Variants in MS4A6E observed in about 807,000 individuals in gnomAD.
The protein encoded by MS4A6E is membrane-spanning 4-domains subfamily A member 6E.
Under a neutral mutation model 13.2 loss-of-function variants are expected in MS4A6E, and 8 were observed. The ratio of observed to expected loss-of-function variants is 0.60; its 90% CI spans 0.35 to 1.09. MS4A6E has a LOEUF of 1.09. Ranked by LOEUF, MS4A6E falls within the 50% of genes least tolerant of loss-of-function variation. MS4A6E has a pLI of 0.02. For synonymous variants in MS4A6E, 72 were observed against 67.6 expected, an observed-to-expected ratio of 1.06 and a Z score of -0.32; for missense variants, 177 against 171.1, an observed-to-expected ratio of 1.03 and a Z score of -0.19.
downstream of MS4A6E, among the ~76,000 whole-genome samples, chr11:60,343,967 C>T (rs1019291225): frequency 8.5e-5 from 13 of 152,248 alleles, no homozygotes; most frequent in African/African-American, 3.1e-4. Flanking sequence ...GAAGGGAGAG[C>T]TTTCACCAAT....
Position 60,341,124 on chromosome 11 carries a change from G to A in MS4A6E, c.*358G>A, listed in dbSNP as rs1015942921. Among the ~76,000 whole-genome samples, 1 of 152,066 alleles carries A rather than the reference G, an allele frequency of 6.6e-6. No homozygotes were observed. Among genetic ancestry groups the A allele is most frequent in the Non-Finnish European group, 1.5e-5 (1 of 68,012 alleles). On this transcript the variant is annotated 3_prime_UTR_variant, in exon 5 of 5. Coordinates refer to ENST00000684409, the MANE Select transcript of MS4A6E (RefSeq NM_139249.4). ...AACTAGGCAGAATGATGATTCAATGGATCACAGTGAGGCAAAGGATACAGC... is the reference window on the plus strand; with the variant it reads ...AACTAGGCAGAATGATGATTCAATGAATCACAGTGAGGCAAAGGATACAGC...
chr11:60,334,917 A>G lies in MS4A6E; in HGVS notation c.22A>G (p.Asn8Asp). ...CATTATGACATCACAACCTATTTCC[A>G]ATGAGACCATCATAATGCTCCCATC... MTSQPIS[N>D]ETIIMLPSNV... The change falls in exon 2 of 5, where the codon AAT becomes GAT. Residue 8 changes from asparagine to aspartate, a missense_variant. Coordinates refer to ENST00000684409, the MANE Select transcript of MS4A6E (RefSeq NM_139249.4). 6.2e-7 allele frequency: 1 copy of G among 1,614,048 alleles called. No homozygotes were observed. Among genetic ancestry groups the G allele is most frequent in the Non-Finnish European group, 8.5e-7 (1 of 1,179,942 alleles).
chr11:60,328,029 C>CAAAAAAA (rs3042505), intron 1 of MS4A6E, among the ~76,000 whole-genome samples: 2 of 82,050 alleles, frequency 2.4e-5, no homozygotes, highest in Non-Finnish European at 4.5e-5. Context: ...GACTCCATCT[C>CAAAAAAA]AAAAAAAAAA....
intron 4 of MS4A6E, among the ~76,000 whole-genome samples, chr11:60,340,391 G>A (rs928931251): frequency 7.2e-5 from 11 of 152,194 alleles, no homozygotes; most frequent in African/African-American, 2.4e-4. Context: ...CTTTACACAT[G>A]TGACTGGATC....
At chr11:60,332,397 G>A (rs188761023) in intron 1 of MS4A6E, among the ~76,000 whole-genome samples, 55 of 152,298 alleles carry the variant, frequency 3.6e-4, no homozygotes, top group East Asian at 2.3e-3. Context: ...CATTATTCAT[G>A]AGGAAGTTAG....
At chr11:60,332,975 T>C (rs1020120757) in intron 1 of MS4A6E, among the ~76,000 whole-genome samples, 2 of 152,268 alleles carry the variant, frequency 1.3e-5, no homozygotes, top group African/African-American at 4.8e-5. Flanking sequence ...TGCTTAATTG[T>C]CACTTTGAGG....
At chr11:60,336,251 C>A (rs983105874) in intron 2 of MS4A6E, among the ~76,000 whole-genome samples, 7 of 152,170 alleles carry the variant, frequency 4.6e-5, no homozygotes, top group African/African-American at 1.7e-4. Flanking sequence ...TACAATATGG[C>A]GGTCACATGT....
chr11:60,339,192 A>T (rs1030931920), intron 3 of MS4A6E, among the ~76,000 whole-genome samples: 2 of 152,206 alleles, frequency 1.3e-5, no homozygotes, highest in African/African-American at 4.8e-5. Flanking sequence ...AAATGGTAGA[A>T]CTCATCCTTG....
chr11:60,330,855 G>A (rs187027348), intron 1 of MS4A6E, among the ~76,000 whole-genome samples: 38 of 152,196 alleles, frequency 2.5e-4, no homozygotes, highest in Non-Finnish European at 4.0e-4. Context: ...TTTTCCCAAC[G>A]TCATTTATTA....
rs1366737150 is a variant in MS4A6E, at chr11:60,340,972, C to T, written c.*206C>T. ...GCATATTTGTTTTAAAAAATTATTT[C>T]GCTGTCATTTATGATATGTGTTCAT... On this transcript the variant is annotated 3_prime_UTR_variant, in exon 5 of 5. Coordinates refer to ENST00000684409, the MANE Select transcript of MS4A6E (RefSeq NM_139249.4). 6.6e-6 allele frequency: 1 copy of T among 152,232 alleles called. No individual in the cohort carries two copies. Among genetic ancestry groups the T allele is most frequent in the Non-Finnish European group, 1.5e-5 (1 of 68,022 alleles). 9.4% of individuals were successfully genotyped at this position (152,232 alleles called of 1,614,324 possible).
chr11:60,346,174 C>G (rs1304229025), downstream of MS4A6E, among the ~76,000 whole-genome samples: 1 of 152,178 alleles, frequency 6.6e-6, no homozygotes, highest in Non-Finnish European at 1.5e-5. Flanking sequence ...ATGCTACAGT[C>G]TGGACAGGGT....
chr11:60,332,415 G>C (rs561078554), intron 1 of MS4A6E, among the ~76,000 whole-genome samples: 41 of 152,204 alleles, frequency 2.7e-4, no homozygotes, highest in Non-Finnish European at 1.0e-4. Flanking sequence ...TAGAGAATAA[G>C]AAGGCCTTAA....
chr11:60,334,670 T>C (rs1303712001), intron 1 of MS4A6E, among the ~76,000 whole-genome samples: 2 of 152,176 alleles, frequency 1.3e-5, no homozygotes. Context: ...CCCTGTGATG[T>C]GTTTATTATC....
rs749110868 is a variant in MS4A6E at position 60,337,926 on chromosome 11, T to C, written c.333T>C (p.His111=). The C allele has an allele frequency of 3.7e-6, 6 of 1,614,084 alleles. No homozygotes were observed. Among genetic ancestry groups the C allele is most frequent in the Non-Finnish European group, 4.2e-6 (5 of 1,180,038 alleles). Residue 111 remains histidine (H), a synonymous_variant, in exon 3 of 5, where the codon CAT becomes CAC. Transcript: ENST00000684409. ...DYHSPYTMDC[H]RAKASLAGTL... Reference sequence around the variant, plus strand: ...ATTCACCTTACACCATGGACTGCCATAGAGCCAAAGCCAGTCTGGCTGTAA... The same window carrying C: ...ATTCACCTTACACCATGGACTGCCACAGAGCCAAAGCCAGTCTGGCTGTAA...
intron 1 of MS4A6E, among the ~76,000 whole-genome samples, chr11:60,333,776 T>C (rs1311079166): frequency 6.6e-6 from 1 of 152,150 alleles, no homozygotes; most frequent in Non-Finnish European, 1.5e-5. Flanking sequence ...CAAGAGATAT[T>C]TTATGGAGAA....
intron 2 of MS4A6E, among the ~76,000 whole-genome samples, chr11:60,337,459 A>C (rs932932062): frequency 6.6e-6 from 1 of 152,048 alleles, no homozygotes; most frequent in Non-Finnish European, 1.5e-5. Flanking sequence ...GGGCCCTGCT[A>C]TCTGTCCCAG....
intron 1 of MS4A6E, among the ~76,000 whole-genome samples, chr11:60,333,690 CCTT>C (rs1467331255): frequency 6.6e-6 from 1 of 152,134 alleles, no homozygotes; most frequent in Non-Finnish European, 1.5e-5. Context: ...AGAGTTAAGG[CCTT>C]CTTATTCTCT....
chr11:60,346,128 T>C (rs1389061608), downstream of MS4A6E, among the ~76,000 whole-genome samples: 1 of 152,198 alleles, frequency 6.6e-6, no homozygotes, highest in Non-Finnish European at 1.5e-5. Context: ...AACTGGTGAC[T>C]TCTGTCTCTG....
chr11:60,333,284 C>A (rs1301865857), intron 1 of MS4A6E, among the ~76,000 whole-genome samples: 3 of 149,668 alleles, frequency 2.0e-5, no homozygotes, highest in Non-Finnish European at 4.4e-5. Context: ...TTTCTTAGTA[C>A]TTTTCTTAAG....
Sources: allele counts gnomAD v4.1 joint callset (sites outside exome capture counted in the v4.1 genomes callset), GRCh38; gene constraint gnomAD v4.1.1; transcripts MANE v1.5; gene names NCBI Gene and HGNC (gene_info 2026-07-23, HGNC 2026-07-21).